Variants in TVP23C observed in about 807,000 individuals in gnomAD.
TVP23C encodes the protein trans-golgi network vesicle protein 23 homolog C, also known as Golgi apparatus membrane protein TVP23 homolog C.
Under a neutral mutation model 28.7 loss-of-function variants are expected in TVP23C, and 19 were observed. The observed-to-expected ratio is 0.66, with a 90% CI of 0.46 to 0.97. The LOEUF is 0.97. Among genes scored for constraint, TVP23C ranks in the 50% least tolerant of loss-of-function variants. The pLI is 0.00. For missense variants in TVP23C, 186 were observed against 241.3 expected (o/e 0.77, Z 1.52); for synonymous variants, 68 against 81.7 (o/e 0.83, Z 0.90).
rs534254396 is a variant in TVP23C, at chr17:15,544,459, C to T, written c.462+1326G>A. Among the ~76,000 whole-genome samples the T allele has an allele frequency of 5.9e-5, 9 of 151,940 alleles. No individual in the cohort carries two copies. In the South Asian group the frequency reaches 1.9e-3, roughly 32 times the overall value. ...AACAAACAAGAGAGAAAGGAGGAAACTCATAGGAAGGAATATGAGTGTTTA... is the reference window on the plus strand; with the variant it reads ...AACAAACAAGAGAGAAAGGAGGAAATTCATAGGAAGGAATATGAGTGTTTA... On this transcript the variant is annotated intron_variant, in intron 5 of 5. Coordinates refer to ENST00000518321, the MANE Select transcript of TVP23C (RefSeq NM_001135036.2).
At chr17:15,557,284 G>A (rs1984174084) in intron 1 of TVP23C, among the ~76,000 whole-genome samples, 2 of 140,446 alleles carry the variant, frequency 1.4e-5, no homozygotes, top group Non-Finnish European at 1.6e-5. Context: ...GGACCTAGAA[G>A]ACAAGGTTTT....
rs141937796 is a variant in TVP23C at position 15,538,325 on chromosome 17, T to C, written c.*2087A>G. 2 of 967,506 alleles carry C rather than the reference T, an allele frequency of 2.1e-6. No individual in the cohort carries two copies. The highest frequency in any genetic ancestry group is 2.3e-4 in the East Asian group (2 of 8,738). 59.9% of individuals were successfully genotyped at this position (967,506 alleles called of 1,614,324 possible). Reference sequence around the variant, plus strand: ...GACATGCTAGGCTGGGCGCCGTGGCTTACACCTGTAATCCCAGCACTTTGG... The same window carrying C: ...GACATGCTAGGCTGGGCGCCGTGGCCTACACCTGTAATCCCAGCACTTTGG... On this transcript the variant is annotated 3_prime_UTR_variant, in exon 6 of 6. Coordinates refer to ENST00000518321, the MANE Select transcript of TVP23C (RefSeq NM_001135036.2).
At chr17:15,510,935 T>C (rs1386512255) in intron 5 of TVP23C, among the ~76,000 whole-genome samples, 1 of 149,720 alleles carries the variant, frequency 6.7e-6, no homozygotes, top group East Asian at 2.0e-4. Context: ...GTGCCTGTAA[T>C]ACCAGCTACT....
chr17:15,550,982 G>A (rs1368231805), intron 3 of TVP23C, among the ~76,000 whole-genome samples: 1 of 152,122 alleles, frequency 6.6e-6, no homozygotes, highest in Non-Finnish European at 1.5e-5. Flanking sequence ...CTTTATACAT[G>A]TACTCTCTGA....
chr17:15,516,924 G>A (rs1009707963), intron 5 of TVP23C, among the ~76,000 whole-genome samples: 1 of 152,172 alleles, frequency 6.6e-6, no homozygotes, highest in Non-Finnish European at 1.5e-5. Flanking sequence ...CACAGTGTGT[G>A]CTGTCTGGGA....
At chr17:15,514,846 G>C (rs1982152998) in intron 5 of TVP23C, among the ~76,000 whole-genome samples, 1 of 152,178 alleles carries the variant, frequency 6.6e-6, no homozygotes, top group Non-Finnish European at 1.5e-5. Flanking sequence ...GTGAAACTGA[G>C]CAATGGGATC....
chr17:15,502,700 G>T, exon 6 of TVP23C: 2 of 1,169,478 alleles, frequency 1.7e-6, no homozygotes, highest in Non-Finnish European at 1.1e-6. Context: ...TTCCCTGTTC[G>T]TTCGTTCTTT....
chr17:15,536,840 A>C (rs1234951078), downstream of TVP23C: 1 of 151,376 alleles, frequency 6.6e-6, no homozygotes, highest in African/African-American at 2.5e-5. Context: ...AAAAATACTA[A>C]TATATCATGT....
At chr17:15,542,486 TTATTTTTTGAGACGGAG>T (rs1250784964) in intron 5 of TVP23C, among the ~76,000 whole-genome samples, 1 of 150,756 alleles carries the variant, frequency 6.6e-6, no homozygotes, top group East Asian at 1.9e-4. Flanking sequence ...TTTTATTTAT[TTATTTTTTGAGACGGAG>T]TCTCGCTCTG....
intron 5 of TVP23C, chr17:15,503,452 C>A: frequency 4.0e-6 from 2 of 496,946 alleles, no homozygotes; most frequent in Non-Finnish European, 3.5e-6. Context: ...TAGAACGCCT[C>A]AGTGCTTAGA....
In TVP23C at chr17:15,515,394, GCA is replaced by G. The variant is rs548271104; in HGVS notation, c.463-12164_463-12163del. Among the ~76,000 whole-genome samples, 666 of 152,286 alleles carry G rather than the reference GCA, an allele frequency of 4.4e-3. 2 individuals carry two copies. The highest frequency in any genetic ancestry group is 0.017 in the Middle Eastern group (5 of 294). ...CTCCTGAGGACCTGACCTAAGACAA[GCA>G]CCCATGTGAACCAGGCACCGGGCCA... is the stretch of plus-strand genomic sequence containing the variant. On this transcript the variant is annotated intron_variant, in intron 5 of 5. Coordinates refer to the TVP23C transcript ENST00000225576.
chr17:15,522,227 A>T (rs1309478453), intron 5 of TVP23C, among the ~76,000 whole-genome samples: 65 of 152,250 alleles, frequency 4.3e-4, no homozygotes, highest in Non-Finnish European at 1.5e-5. Context: ...TATATAGGAG[A>T]AAATCTTTAT....
At chr17:15,522,416 T>C (rs1333936696) in intron 5 of TVP23C, among the ~76,000 whole-genome samples, 1 of 151,868 alleles carries the variant, frequency 6.6e-6, no homozygotes, top group East Asian at 1.9e-4. Flanking sequence ...TATAAATAAA[T>C]AAGGAAAAAA....
chr17:15,530,744 T>A (rs1982918777), intron 5 of TVP23C: 1 of 145,220 alleles, frequency 6.9e-6, no homozygotes, highest in South Asian at 2.2e-4. Flanking sequence ...TATCTGGGTA[T>A]GTTTTAATTT....
chr17:15,507,122 CA>C (rs1981786895), intron 5 of TVP23C: 7 of 898,372 alleles, frequency 7.8e-6, no homozygotes, highest in Non-Finnish European at 1.3e-5. Context: ...TCGAGGACTT[CA>C]CCCTAAAGCA....
At chr17:15,546,821 T>A (rs1380706146) in intron 4 of TVP23C, among the ~76,000 whole-genome samples, 3 of 151,624 alleles carry the variant, frequency 2.0e-5, no homozygotes, top group Non-Finnish European at 4.4e-5. Context: ...CTTAGCACAC[T>A]GTATGAACTC....
chr17:15,504,914 T>C (rs938438143), intron 5 of TVP23C, among the ~76,000 whole-genome samples: 1 of 151,398 alleles, frequency 6.6e-6, no homozygotes, highest in African/African-American at 2.4e-5. Context: ...CAGGGGCTTC[T>C]TGAGGGACCA....
intron 5 of TVP23C, among the ~76,000 whole-genome samples, chr17:15,541,604 C>A (rs1983412901): frequency 6.6e-6 from 1 of 151,878 alleles, no homozygotes; most frequent in African/African-American, 2.4e-5. Flanking sequence ...TTCTCCTTAC[C>A]CTTAACAAGA....
At chr17:15,507,881 T>C (rs1459890823) in intron 5 of TVP23C, among the ~76,000 whole-genome samples, 1 of 152,034 alleles carries the variant, frequency 6.6e-6, no homozygotes, top group East Asian at 1.9e-4. Context: ...AAAAAGAAAG[T>C]CTATAGCCTC....
Sources: allele counts gnomAD v4.1 joint callset (sites outside exome capture counted in the v4.1 genomes callset), GRCh38; gene constraint gnomAD v4.1.1; transcripts MANE v1.5; gene names NCBI Gene and HGNC (gene_info 2026-07-23, HGNC 2026-07-21).